TBC1D2: variants seen among roughly 807,000 people sequenced by gnomAD.
TBC1D2 encodes the protein TBC1 domain family member 2, also known as TBC1 domain family member 2A.
Under a neutral mutation model 91.1 loss-of-function variants are expected in TBC1D2, and 58 were observed. The observed-to-expected ratio is 0.64, with a 90% confidence interval of 0.52 to 0.79. TBC1D2 has a LOEUF of 0.79. Among genes scored for constraint, TBC1D2 ranks in the 30% least tolerant of loss-of-function variants. TBC1D2 has a pLI of 0.00. For missense variants in TBC1D2, 1,080 were observed against 1,208.3 expected, an observed-to-expected ratio of 0.89 and a Z score of 1.57; for synonymous variants, 482 against 511.5, an observed-to-expected ratio of 0.94 and a Z score of 0.78.
chr9:98,229,257 G>A (rs1014964529), intron 4 of TBC1D2, 109 bp from the exon 5 acceptor site: 2 of 1,051,608 alleles, frequency 1.9e-6, no homozygotes, highest in East Asian at 5.1e-5. Flanking sequence ...GGATGGTTGG[G>A]CCCTAATTTC....
At chr9:98,200,635 T>A (rs1828470979) in intron 11 of TBC1D2, among the ~76,000 whole-genome samples, 1 of 152,228 alleles carries the variant, frequency 6.6e-6, no homozygotes, top group South Asian at 2.1e-4. Flanking sequence ...CTAGCCTGTC[T>A]TGTCCCATGA....
At chr9:98,208,053 C>T (rs1828702068) in intron 9 of TBC1D2, among the ~76,000 whole-genome samples, 1 of 152,134 alleles carries the variant, frequency 6.6e-6, no homozygotes. Context: ...AGAGTCCTGC[C>T]ATATGTGAGT....
At chr9:98,237,530 A>G (rs1048924787) in intron 3 of TBC1D2, among the ~76,000 whole-genome samples, 1 of 149,896 alleles carries the variant, frequency 6.7e-6, no homozygotes, top group African/African-American at 2.5e-5. Flanking sequence ...TTTTTGAGAT[A>G]GAGTCTTGCT....
chr9:98,214,868 T>A (rs1355875737), intron 6 of TBC1D2, among the ~76,000 whole-genome samples: 1 of 151,996 alleles, frequency 6.6e-6, no homozygotes, highest in Non-Finnish European at 1.5e-5. Flanking sequence ...GTTGACTTTA[T>A]CACATCACCC....
chr9:98,200,288 G>T lies in TBC1D2; in HGVS notation c.2544C>A (p.Tyr848Ter), dbSNP rs1828453959. 6.2e-7 allele frequency: 1 copy of T among 1,613,726 alleles called. No individual in the cohort carries two copies. The highest frequency in any genetic ancestry group is 1.3e-5 in the African/African-American group (1 of 74,800). ...AGATGGTCTTGGTGAAGAAGCGCAG[G>T]TACTGGTAGATTTCCAGGCCATTCT... ...RLQNGLEIYQ[Y>*]LRFFTKTISN... The change falls in exon 12 of 13, where the codon TAC becomes TAA. Residue 848 changes from tyrosine (Y) to a stop codon, truncating the protein, a stop_gained. Coordinates refer to ENST00000465784, the MANE Select transcript of TBC1D2 (RefSeq NM_001267571.2). LOFTEE classifies it low-confidence loss of function (END_TRUNC).
intron 4 of TBC1D2, among the ~76,000 whole-genome samples, chr9:98,231,885 G>T (rs1324231429): frequency 6.6e-6 from 1 of 152,182 alleles, no homozygotes; most frequent in East Asian, 1.9e-4. Flanking sequence ...AAAGAAGCCA[G>T]TCACAGCATG....
intron 3 of TBC1D2, among the ~76,000 whole-genome samples, chr9:98,236,155 A>T (rs1007570146): frequency 3.3e-5 from 5 of 151,554 alleles, no homozygotes; most frequent in African/African-American, 9.7e-5. Context: ...TTTATTTATT[A>T]AAAAAAAACA....
At chr9:98,212,788 G>A (rs10122936) in intron 7 of TBC1D2, among the ~76,000 whole-genome samples, 11,184 of 152,210 alleles carry the variant, frequency 0.073, 475 homozygotes, top group African/African-American at 0.11. Context: ...ACAGGTGTGA[G>A]CCACCACGCC....
intron 10 of TBC1D2, 40 bp downstream of exon 10, chr9:98,203,248 G>C (rs1828557715): frequency 1.9e-6 from 3 of 1,611,978 alleles, no homozygotes; most frequent in African/African-American, 1.3e-5. Context: ...CTGGGGCACT[G>C]CCCTACATGG....
At position 98,221,099 on chromosome 9, in the gene TBC1D2, C is replaced by T. The variant is rs374861819; in HGVS notation, c.1108G>A (p.Ala370Thr). 127 of 1,605,464 alleles carry T rather than the reference C, an allele frequency of 7.9e-5. No individual in the cohort carries two copies. The highest frequency in any genetic ancestry group is 4.9e-4 in the East Asian group (22 of 44,526). ...GCCTCCACCCGCCGGCCCAGCTCCG[C>T]GATCTGCCGCACTTTGTGCCGCACC... ...ELVRHKVRQI[A>T]ELGRRVEALE... is the part of the protein sequence containing the mutation. Residue 370 changes from alanine (A) to threonine (T), a missense_variant, in exon 6 of 13, where the codon GCG (alanine) becomes ACG (threonine). By Grantham distance (58) the Ala-to-Thr change is moderately conservative (BLOSUM62 0). Transcript: ENST00000465784.
At chr9:98,206,146 C>T (rs1828647852) in intron 9 of TBC1D2, among the ~76,000 whole-genome samples, 1 of 151,620 alleles carries the variant, frequency 6.6e-6, no homozygotes, top group South Asian at 2.1e-4. Flanking sequence ...TTAGTAGAGA[C>T]AAGGTTTCAC....
chr9:98,209,287 G>A, intron 8 of TBC1D2, 143 bp from the exon 9 acceptor site: 1 of 762,408 alleles, frequency 1.3e-6, no homozygotes, highest in South Asian at 1.7e-5. Flanking sequence ...GGTCACTTCA[G>A]TTCTCCCAAC....
At chr9:98,213,322 A>G (rs1828896583) in intron 6 of TBC1D2, 104 bp from the exon 7 acceptor site, 2 of 1,530,712 alleles carry the variant, frequency 1.3e-6, no homozygotes, top group Middle Eastern at 1.7e-4. Context: ...TTCCTTAGAA[A>G]TTTCCAATAA....
At position 98,203,315 on chromosome 9, in the gene TBC1D2, G is replaced by A. The variant is rs1047493345; in HGVS notation, c.2244C>T (p.Tyr748=). 2.5e-6 allele frequency: 4 copies of A among 1,614,246 alleles called. No individual in the cohort carries two copies. The highest frequency in any genetic ancestry group is 3.4e-6 in the Non-Finnish European group (4 of 1,180,048). ...GGGATGCCGTCAGCGTGTTGCAGTA[G>A]TAATCAGCGGGCATGATGGTCTCCA... ...AIVETIMPAD[Y]YCNTLTASQV... is the part of the protein sequence containing the mutation. Residue 748 remains tyrosine, a synonymous_variant, in exon 10 of 13, where the codon TAC becomes TAT. Coordinates refer to ENST00000465784, the MANE Select transcript of TBC1D2 (RefSeq NM_001267571.2).
intron 5 of TBC1D2, among the ~76,000 whole-genome samples, chr9:98,225,692 G>A (rs1829216229): frequency 1.3e-5 from 2 of 152,166 alleles, no homozygotes; most frequent in Non-Finnish European, 2.9e-5. Context: ...CTATTGTAAG[G>A]ACAGAGATAA....
chr9:98,241,182 C>T (rs1167358498), intron 3 of TBC1D2, among the ~76,000 whole-genome samples: 1 of 152,164 alleles, frequency 6.6e-6, no homozygotes, highest in Non-Finnish European at 1.5e-5. Context: ...ACAGAGAGAA[C>T]TGAGATTCAA....
rs116236735 is a variant in TBC1D2, at chr9:98,233,590, T to C, written c.648-41A>G. ...AACAGAGGAGCATGAGGCTGAACCCTGCCTTTCTGCCCTTCTGTCCTTCCC... is the reference window on the plus strand; with the variant it reads ...AACAGAGGAGCATGAGGCTGAACCCCGCCTTTCTGCCCTTCTGTCCTTCCC... On this transcript the variant is annotated intron_variant, in intron 3 of 12. Transcript: ENST00000465784. 1,425 of 1,605,524 alleles carry C rather than the reference T, an allele frequency of 8.9e-4. 12 individuals carry two copies. In the African/African-American group the frequency reaches 0.016, roughly 18 times the overall value.
chr9:98,218,309 G>T (rs1829017196), intron 6 of TBC1D2, among the ~76,000 whole-genome samples: 1 of 152,100 alleles, frequency 6.6e-6, no homozygotes, highest in African/African-American at 2.4e-5. Flanking sequence ...GCTCACACCT[G>T]TAATCCCAGC....
At chr9:98,244,486 C>T (rs1829720783) in intron 2 of TBC1D2, among the ~76,000 whole-genome samples, 1 of 151,784 alleles carries the variant, frequency 6.6e-6, no homozygotes, top group African/African-American at 2.4e-5. Flanking sequence ...ATGAAGAAAC[C>T]CTGTCTCTAC....
Sources: allele counts gnomAD v4.1 joint callset (sites outside exome capture counted in the v4.1 genomes callset), GRCh38; gene constraint gnomAD v4.1.1; transcripts MANE v1.5; gene names NCBI Gene and HGNC (gene_info 2026-07-23, HGNC 2026-07-21).